The following FGGY variants were observed in gnomAD, a reference collection of about 807,000 sequenced individuals.
FGGY encodes the protein FGGY carbohydrate kinase domain containing.
A neutral mutation model predicts 71.3 loss-of-function variants in FGGY; 72 were observed. The observed-to-expected ratio is 1.01, with a 90% CI of 0.84 to 1.23. FGGY has a LOEUF of 1.23. Ranked by LOEUF, FGGY falls within the 50% of genes most tolerant of loss-of-function variation. FGGY has a pLI of 0.00. For synonymous variants in FGGY, 251 were observed against 250.3 expected, an observed-to-expected ratio of 1.00 and a Z score of -0.02; for missense variants, 668 against 682.3, an observed-to-expected ratio of 0.98 and a Z score of 0.23.
At chr1:59,668,883 G>A (rs1572916545) in intron 13 of FGGY, among the ~76,000 whole-genome samples, 4 of 151,600 alleles carry the variant, frequency 2.6e-5, no homozygotes, top group African/African-American at 7.3e-5. Context: ...CCCAGCTACT[G>A]GGGAGGCTGA....
chr1:59,623,352 T>C (rs1236270330), intron 9 of FGGY, among the ~76,000 whole-genome samples: 4 of 152,196 alleles, frequency 2.6e-5, no homozygotes, highest in Admixed American at 1.3e-4. Context: ...TATTCATCCT[T>C]ATTTTCACCA....
chr1:59,489,009 A>G (rs989897811), intron 6 of FGGY, among the ~76,000 whole-genome samples: 2 of 152,066 alleles, frequency 1.3e-5, no homozygotes, highest in Non-Finnish European at 2.9e-5. Context: ...TTTTCCTTAT[A>G]TGTTATTCAT....
intron 14 of FGGY, among the ~76,000 whole-genome samples, chr1:59,740,436 G>A (rs1311809767): frequency 6.6e-6 from 1 of 152,198 alleles, no homozygotes; most frequent in Non-Finnish European, 1.5e-5. Context: ...ATCCGGTAGT[G>A]AGCTGGGGCT....
intron 5 of FGGY, among the ~76,000 whole-genome samples, chr1:59,415,774 C>T (rs1381774973): frequency 6.6e-6 from 1 of 152,200 alleles, no homozygotes; most frequent in Non-Finnish European, 1.5e-5. Flanking sequence ...TAAATGCTGT[C>T]TTTATTCATG....
At chr1:59,496,861 C>T (rs189313350) in intron 6 of FGGY, among the ~76,000 whole-genome samples, 2 of 152,324 alleles carry the variant, frequency 1.3e-5, no homozygotes, top group East Asian at 3.9e-4. Context: ...AACCTGTGTA[C>T]TTTGTTCAAC....
intron 6 of FGGY, among the ~76,000 whole-genome samples, chr1:59,466,897 G>A (rs978265748): frequency 2.0e-5 from 3 of 152,176 alleles, no homozygotes; most frequent in Non-Finnish European, 4.4e-5. Flanking sequence ...CTTTTACATT[G>A]TTGGTGGTAG....
At chr1:59,378,694 G>T in intron 4 of FGGY, 55 bp from the exon 5 acceptor site, 1 of 1,494,696 alleles carries the variant, frequency 6.7e-7, no homozygotes, top group Non-Finnish European at 9.2e-7. Context: ...ATTATTGAAA[G>T]AGGAGATGGT....
At chr1:59,706,088 C>T (rs757023997) in intron 14 of FGGY, among the ~76,000 whole-genome samples, 1 of 152,168 alleles carries the variant, frequency 6.6e-6, no homozygotes, top group Non-Finnish European at 1.5e-5. Context: ...CTCCTGTCTA[C>T]GTGGGTGGAG....
chr1:59,329,647 T>C (rs989116113), intron 2 of FGGY, among the ~76,000 whole-genome samples: 3 of 152,238 alleles, frequency 2.0e-5, no homozygotes, highest in Non-Finnish European at 4.4e-5. Context: ...AAACATGCAA[T>C]GCTCCCTTTA....
chr1:59,659,484 T>C (rs1381214127), intron 11 of FGGY, among the ~76,000 whole-genome samples: 3 of 152,214 alleles, frequency 2.0e-5, no homozygotes, highest in Non-Finnish European at 4.4e-5. Context: ...AAGTGAACTA[T>C]GGTGCTGATG....
At chr1:59,311,001 A>C (rs1163620229) in intron 1 of FGGY, among the ~76,000 whole-genome samples, 1 of 152,208 alleles carries the variant, frequency 6.6e-6, no homozygotes, top group Non-Finnish European at 1.5e-5. Flanking sequence ...GGAGCAGAGC[A>C]TTTTCAGTTA....
At chr1:59,401,520 T>A (rs1456153369) in intron 5 of FGGY, among the ~76,000 whole-genome samples, 3 of 152,206 alleles carry the variant, frequency 2.0e-5, no homozygotes, top group Non-Finnish European at 2.9e-5. Context: ...GTGAACATTG[T>A]TGCCATGTTA....
intron 2 of FGGY, among the ~76,000 whole-genome samples, chr1:59,322,201 A>C (rs2046508866): frequency 6.6e-6 from 1 of 152,048 alleles, no homozygotes; most frequent in Non-Finnish European, 1.5e-5. Context: ...CAGAAAAGTT[A>C]GGTAACTTAC....
At chr1:59,751,343 G>A (rs2098243675) in intron 14 of FGGY, among the ~76,000 whole-genome samples, 1 of 152,124 alleles carries the variant, frequency 6.6e-6, no homozygotes, top group African/African-American at 2.4e-5. Context: ...CGGCCCCTAA[G>A]TCAACAGACA....
intron 15 of FGGY, 85 bp downstream of exon 15, chr1:59,758,077 A>C: frequency 2.7e-5 from 26 of 964,120 alleles, no homozygotes; most frequent in Non-Finnish European, 3.9e-5. Flanking sequence ...GAATAAACTC[A>C]GGTGGTCAAC....
chr1:59,298,632 T>C (rs1415855948), intron 1 of FGGY, among the ~76,000 whole-genome samples: 9 of 152,252 alleles, frequency 5.9e-5, no homozygotes, highest in African/African-American at 2.2e-4. Context: ...CTTTCACTTA[T>C]TGATTTAAAT....
intron 5 of FGGY, among the ~76,000 whole-genome samples, chr1:59,436,963 A>T (rs2068612329): frequency 6.6e-6 from 1 of 152,190 alleles, no homozygotes; most frequent in African/African-American, 2.4e-5. Flanking sequence ...ACTATGCCAC[A>T]GGCCCTCATT....
intron 11 of FGGY, among the ~76,000 whole-genome samples, chr1:59,638,649 T>C (rs1375383604): frequency 1.3e-5 from 2 of 152,234 alleles, no homozygotes. Flanking sequence ...GTCATGCCTA[T>C]GTAATTTTGG....
chr1:59,307,082 A>G (rs1321713371), intron 1 of FGGY, among the ~76,000 whole-genome samples: 1 of 152,102 alleles, frequency 6.6e-6, no homozygotes, highest in East Asian at 1.9e-4. Context: ...TGGGAGGCCG[A>G]GGTGGGAGGA....
Sources: gnomAD v4.1 joint callset for allele counts (sites outside exome capture counted in the v4.1 genomes callset) on GRCh38, gnomAD v4.1.1 for gene constraint, MANE v1.5 for transcripts, NCBI Gene and HGNC (gene_info 2026-07-23, HGNC 2026-07-21) for gene names.